ALK: variants seen among roughly 807,000 people sequenced by gnomAD.
ALK encodes ALK receptor tyrosine kinase.
Under a neutral mutation model 163.1 loss-of-function variants are expected in ALK, and 74 were observed. The ratio of observed to expected loss-of-function variants is 0.45; its 90% CI spans 0.38 to 0.55. ALK has a LOEUF of 0.55. ALK is among the 20% of genes least tolerant of loss of function. The probability of loss-of-function intolerance (pLI) is 0.00; values close to 1 mark genes in which losing one functional copy is unlikely to be tolerated. For synonymous variants in ALK, 960 were observed against 843.2 expected, an observed-to-expected ratio of 1.14 and a Z score of -2.40; for missense variants, 2,063 against 2,105.3, an observed-to-expected ratio of 0.98 and a Z score of 0.39.
chr2:29,419,405 G>A (rs1436346822), intron 4 of ALK, among the ~76,000 whole-genome samples: 1 of 151,430 alleles, frequency 6.6e-6, no homozygotes, highest in Admixed American at 6.6e-5. Context: ...CCAAACAAGA[G>A]TTACCAGTAA....
chr2:29,737,286 A>G (rs1240123076), intron 1 of ALK, among the ~76,000 whole-genome samples: 2 of 152,230 alleles, frequency 1.3e-5, no homozygotes, highest in African/African-American at 2.4e-5. Context: ...AATTATAGGT[A>G]GCTTTGTTAT....
rs1383948379 is a variant in ALK, at chr2:29,920,308, C to A, written c.352G>T (p.Ala118Ser). ...VSWTAGSPAP[A>S]EARTLSRVLK... ...ACCCTGGACAGCGTCCGGGCCTCTG[C>A]CGGGGCTGGTGAACCGGCGGTCCAG... The change falls in exon 1 of 29, where the codon GCA becomes TCA. Residue 118 changes from alanine (A) to serine (S), a missense_variant. Ala to Ser is a moderately conservative substitution (Grantham distance 99). Around this residue, in one of 5 missense-constraint regions of ALK, gnomAD observed 987 missense variants for 939.5 expected, o/e 1.05. Coordinates refer to ENST00000389048, the MANE Select transcript of ALK (RefSeq NM_004304.5). The A allele has an allele frequency of 6.4e-7, 1 of 1,560,158 alleles. No homozygotes were observed. Among genetic ancestry groups the A allele is most frequent in the Non-Finnish European group, 8.7e-7 (1 of 1,153,604 alleles).
chr2:29,443,030 A>G (rs1670585410), intron 4 of ALK, among the ~76,000 whole-genome samples: 1 of 152,208 alleles, frequency 6.6e-6, no homozygotes, highest in Middle Eastern at 3.2e-3. Context: ...TGCTCAAAGG[A>G]TGACTGTGGA....
intron 1 of ALK, among the ~76,000 whole-genome samples, chr2:29,759,081 C>G (rs1680625947): frequency 6.6e-6 from 1 of 152,104 alleles, no homozygotes; most frequent in Non-Finnish European, 1.5e-5. Context: ...CATCTCTTTT[C>G]TGTGTGTGTA....
chr2:29,381,196 T>A (rs913165298), intron 5 of ALK, among the ~76,000 whole-genome samples: 2 of 152,266 alleles, frequency 1.3e-5, no homozygotes, highest in African/African-American at 2.4e-5. Flanking sequence ...AGTTTCCCCA[T>A]CTGTAAAATG....
chr2:29,194,488 A>T (rs1668974380), intron 28 of ALK, among the ~76,000 whole-genome samples: 1 of 152,022 alleles, frequency 6.6e-6, no homozygotes, highest in South Asian at 2.1e-4. Context: ...ATGTGCAGGT[A>T]CCACAGTGCA....
At chr2:29,630,130 A>G (rs1443407646) in intron 3 of ALK, among the ~76,000 whole-genome samples, 1 of 152,180 alleles carries the variant, frequency 6.6e-6, no homozygotes, top group Non-Finnish European at 1.5e-5. Flanking sequence ...GCCTTAAAGC[A>G]TTGGAATAAG....
At chr2:29,280,596 C>G (rs1183663326) in intron 9 of ALK, among the ~76,000 whole-genome samples, 1 of 143,954 alleles carries the variant, frequency 6.9e-6, no homozygotes, top group African/African-American at 2.7e-5. Context: ...AGGGAAAGTT[C>G]TAGTATGTAC....
chr2:29,673,634 T>G (rs1677777349), intron 3 of ALK, among the ~76,000 whole-genome samples: 1 of 150,148 alleles, frequency 6.7e-6, no homozygotes, highest in African/African-American at 2.5e-5. Flanking sequence ...TTTGTTCTTT[T>G]GGCTTAGGAT....
At chr2:29,731,169 G>C (rs1345062353) in intron 1 of ALK, among the ~76,000 whole-genome samples, 1 of 152,178 alleles carries the variant, frequency 6.6e-6, no homozygotes, top group African/African-American at 2.4e-5. Flanking sequence ...TCTCTACTCT[G>C]GGAAATTCAG....
At chr2:29,220,131 A>T (rs11687940) in intron 23 of ALK, among the ~76,000 whole-genome samples, 55,394 of 152,048 alleles carry the variant, frequency 0.36, 11,709 homozygotes, top group Non-Finnish European at 0.48. Flanking sequence ...GTCCCTGCCC[A>T]AATCTTACGT....
chr2:29,229,150 G>A (rs551300104), intron 15 of ALK, 84 bp from the exon 16 acceptor site: 148 of 1,313,056 alleles, frequency 1.1e-4, no homozygotes, highest in Non-Finnish European at 1.4e-4. Flanking sequence ...GATGCAGGAC[G>A]CCTTGGAGGG....
chr2:29,503,553 CAT>C (rs2148133887), intron 4 of ALK, among the ~76,000 whole-genome samples: 1 of 152,316 alleles, frequency 6.6e-6, no homozygotes, highest in South Asian at 2.1e-4. Flanking sequence ...TACCATGGCA[CAT>C]AGAGATCTGG....
chr2:29,636,337 G>GAAAGAAAAGA lies in ALK; in HGVS notation c.952+58503_952+58512dup, dbSNP rs149544557. Among the ~76,000 whole-genome samples the GAAAGAAAAGA allele has an allele frequency of 5.6e-3, 824 of 147,810 alleles. 10 individuals carry two copies. The highest frequency in any genetic ancestry group is 0.02 in the African/African-American group (767 of 38,960). On this transcript the variant is annotated intron_variant, in intron 3 of 28. Coordinates refer to ENST00000389048, the MANE Select transcript of ALK (RefSeq NM_004304.5). ...CATCCAGAGGCCAAAAATAAAGAAA[G>GAAAGAAAAGA]AAAGAAAAGAAAAGAAAAGAAAAGA...
intron 1 of ALK, among the ~76,000 whole-genome samples, chr2:29,790,560 G>C (rs1664162974): frequency 1.3e-5 from 2 of 152,100 alleles, no homozygotes; most frequent in African/African-American, 4.8e-5. Flanking sequence ...TGCTATTTCT[G>C]ACATATTGAC....
chr2:29,911,449 T>C (rs1667700274), intron 1 of ALK, among the ~76,000 whole-genome samples: 1 of 152,218 alleles, frequency 6.6e-6, no homozygotes, highest in Non-Finnish European at 1.5e-5. Flanking sequence ...ATCTCTCTAC[T>C]TTCATCTGCT....
intron 5 of ALK, among the ~76,000 whole-genome samples, chr2:29,353,132 C>T (rs4666207): frequency 0.91 from 138,165 of 152,224 alleles, 62,759 homozygotes; most frequent in East Asian, 1. Flanking sequence ...CTCCTGGGGA[C>T]AACATCACTA....
At chr2:29,285,072 G>C (rs12471340) in intron 9 of ALK, among the ~76,000 whole-genome samples, 2 of 152,330 alleles carry the variant, frequency 1.3e-5, no homozygotes, top group South Asian at 2.1e-4. Flanking sequence ...TCCTGAGCCA[G>C]TGGTGCCATT....
intron 1 of ALK, among the ~76,000 whole-genome samples, chr2:29,902,213 CT>C (rs1667433014): frequency 6.6e-6 from 1 of 152,138 alleles, no homozygotes. Flanking sequence ...TTGAACTCAA[CT>C]CTTCCTCCCC....
Sources: gnomAD v4.1 joint callset for allele counts (sites outside exome capture counted in the v4.1 genomes callset) on GRCh38, gnomAD v4.1.1 for gene constraint, gnomAD v4.1.1 regional missense constraint, MANE v1.5 for transcripts, NCBI Gene and HGNC (gene_info 2026-07-23, HGNC 2026-07-21) for gene names.